The following PSMD1 variants were observed in gnomAD, a reference collection of about 807,000 sequenced individuals.
PSMD1 encodes proteasome 26S subunit, non-ATPase 1, also known as 26S proteasome non-ATPase regulatory subunit 1.
A neutral mutation model predicts 119.0 loss-of-function variants in PSMD1; 18 were observed. The ratio of observed to expected loss-of-function variants is 0.15; its 90% CI spans 0.10 to 0.22. The LOEUF is 0.22. Among genes scored for constraint, PSMD1 ranks in the 10% least tolerant of loss-of-function variants. The probability of loss-of-function intolerance (pLI) is 1.00; values close to 1 mark genes in which losing one functional copy is unlikely to be tolerated. For missense variants in PSMD1, 702 were observed against 1,158.5 expected (o/e 0.61, Z 5.72); for synonymous variants, 374 against 396.6 (o/e 0.94, Z 0.68).
intron 14 of PSMD1, 41 bp from the exon 15 acceptor site, chr2:231,084,978 T>C (rs771531481): frequency 1.2e-4 from 176 of 1,522,868 alleles, no homozygotes; most frequent in Non-Finnish European, 1.5e-4. Context: ...AGTTAACTGT[T>C]TGAAATAAGT....
intron 18 of PSMD1, among the ~76,000 whole-genome samples, chr2:231,150,188 A>C (rs1056380372): frequency 1.3e-5 from 2 of 151,592 alleles, no homozygotes; most frequent in Non-Finnish European, 2.9e-5. Flanking sequence ...TACTAAAAAT[A>C]CAAAAAAAAT....
At chr2:231,119,448 A>G (rs1485312622) in intron 16 of PSMD1, among the ~76,000 whole-genome samples, 1 of 152,220 alleles carries the variant, frequency 6.6e-6, no homozygotes, top group Admixed American at 6.5e-5. Flanking sequence ...GCCTGATCCA[A>G]CACGGGAGAA....
In PSMD1 at chr2:231,165,209, G is replaced by A; in HGVS notation, c.2491G>A (p.Ala831Thr). The change falls in exon 22 of 25, where the codon GCT becomes ACT. Residue 831 changes from alanine (A) to threonine (T), a missense_variant. Ala to Thr is a moderately conservative substitution (Grantham distance 58). Transcript: ENST00000308696. ...KEKEKEKVST[A>T]VLSITAKAKK... ...CTGCTCATTTCCCCAGGTTTCTACTGCTGTATTATCTATAACTGCCAAGGC... is the reference window on the plus strand; with the variant it reads ...CTGCTCATTTCCCCAGGTTTCTACTACTGTATTATCTATAACTGCCAAGGC... 2 of 1,605,294 alleles carry A rather than the reference G, an allele frequency of 1.2e-6. No homozygotes were observed. The highest frequency in any genetic ancestry group is 8.5e-7 in the Non-Finnish European group (1 of 1,174,982).
intron 23 of PSMD1, 39 bp downstream of exon 23, chr2:231,166,056 G>T: frequency 6.5e-7 from 1 of 1,537,404 alleles, no homozygotes; most frequent in Non-Finnish European, 8.8e-7. Flanking sequence ...ATACCAGTGG[G>T]ATATTAATCC....
intron 19 of PSMD1, among the ~76,000 whole-genome samples, chr2:231,156,859 T>C (rs908685070): frequency 2.0e-5 from 3 of 152,198 alleles, no homozygotes; most frequent in Admixed American, 6.5e-5. Context: ...AATTTTCAAA[T>C]ATACAGTACA....
chr2:231,086,018 A>G (rs893259935), intron 15 of PSMD1, among the ~76,000 whole-genome samples: 1 of 151,610 alleles, frequency 6.6e-6, no homozygotes, highest in Non-Finnish European at 1.5e-5. Context: ...GCCATAATGC[A>G]GCTGAAATAG....
intron 11 of PSMD1, 75 bp downstream of exon 11, chr2:231,079,689 T>C: frequency 1.1e-6 from 1 of 943,174 alleles, no homozygotes; most frequent in Non-Finnish European, 1.6e-6. Context: ...AAATAACAGT[T>C]TATTATAATT....
At position 231,062,530 on chromosome 2, in the gene PSMD1, T is replaced by C. The variant is rs776050922; in HGVS notation, c.159T>C (p.Gly53=). 6.2e-7 allele frequency: 1 copy of C among 1,602,246 alleles called. No individual in the cohort carries two copies. Among genetic ancestry groups the C allele is most frequent in the Non-Finnish European group, 8.5e-7 (1 of 1,176,184 alleles). Residue 53 remains glycine, a synonymous_variant, in exon 4 of 25, where the codon GGT becomes GGC. Coordinates refer to ENST00000308696, the MANE Select transcript of PSMD1 (RefSeq NM_002807.4). ...DKIEVLYEDE[G]FRSRQFAALV... ...GAGAGGTTTTATACGAAGATGAAGG[T>C]TTCCGGAGTCGGCAGTTTGCAGCCT...
At chr2:231,061,342 G>A (rs753784938) in intron 2 of PSMD1, 32 bp downstream of exon 2, 1 of 1,501,684 alleles carries the variant, frequency 6.7e-7, no homozygotes, top group Non-Finnish European at 9.2e-7. Flanking sequence ...ACTAGGCTTA[G>A]TGTGAATACT....
chr2:231,135,948 TAC>T (rs1447029382), intron 16 of PSMD1, among the ~76,000 whole-genome samples: 1 of 152,182 alleles, frequency 6.6e-6, no homozygotes, highest in African/African-American at 2.4e-5. Flanking sequence ...TTTTAACAGT[TAC>T]AGTTTTCATA....
At chr2:231,134,138 T>C (rs1012244140) in intron 16 of PSMD1, among the ~76,000 whole-genome samples, 2 of 152,240 alleles carry the variant, frequency 1.3e-5, no homozygotes, top group Admixed American at 6.5e-5. Flanking sequence ...CTGCCTATTA[T>C]ATTATACCTT....
Position 231,083,786 on chromosome 2 carries a change from C to G in PSMD1, c.1722+23C>G, listed in dbSNP as rs370557001. ...AAGGTGAGATCACATACGTCCCTCA[C>G]TGTCCATTTATCTCCAGCATGTAAA... is the stretch of plus-strand genomic sequence containing the variant. On this transcript the variant is annotated intron_variant, in intron 14 of 24. Transcript: ENST00000308696. The G allele has an allele frequency of 5.0e-5, 81 of 1,610,366 alleles. No individual in the cohort carries two copies. In the Middle Eastern group the frequency reaches 2.0e-3, roughly 39 times the overall value.
rs570995973 is a variant in PSMD1, at chr2:231,056,889, C to T, written c.-137C>T. 24 of 1,209,374 alleles carry T rather than the reference C, an allele frequency of 2.0e-5. No individual in the cohort carries two copies. In the East Asian group the frequency reaches 2.7e-4, roughly 14 times the overall value. 74.9% of individuals were successfully genotyped at this position (1,209,374 alleles called of 1,614,324 possible). ...GGGGTCCTGGCGAGAAGCGAGCCGG[C>T]GGCCTGAGGAGGCGACTGACTGAGC... On this transcript the variant is annotated 5_prime_UTR_variant, in exon 1 of 25. Coordinates refer to ENST00000308696, the MANE Select transcript of PSMD1 (RefSeq NM_002807.4).
At chr2:231,141,181 G>C (rs959985973) in intron 17 of PSMD1, among the ~76,000 whole-genome samples, 1 of 151,884 alleles carries the variant, frequency 6.6e-6, no homozygotes, top group Non-Finnish European at 1.5e-5. Flanking sequence ...GCAGGTGCCT[G>C]TAATCCCAGA....
intron 12 of PSMD1, among the ~76,000 whole-genome samples, chr2:231,082,491 G>A (rs1170009493): frequency 6.6e-6 from 1 of 152,184 alleles, no homozygotes; most frequent in Non-Finnish European, 1.5e-5. Flanking sequence ...ATCACCTGAG[G>A]TCAGGAAGTT....
At chr2:231,058,925 C>A (rs1693685762) in intron 1 of PSMD1, among the ~76,000 whole-genome samples, 1 of 151,932 alleles carries the variant, frequency 6.6e-6, no homozygotes, top group African/African-American at 2.4e-5. Flanking sequence ...TCTGTAATTG[C>A]CTTGTTTGTT....
intron 24 of PSMD1, among the ~76,000 whole-genome samples, chr2:231,171,681 C>T (rs1374717629): frequency 3.3e-5 from 5 of 150,722 alleles, no homozygotes; most frequent in East Asian, 4.0e-4. Context: ...CTCAGCCTTT[C>T]GAGTAGCTGG....
intron 20 of PSMD1, 120 bp downstream of exon 20, chr2:231,161,629 C>T: frequency 9.0e-7 from 1 of 1,116,830 alleles, no homozygotes. Context: ...CTTATAATAA[C>T]ATTTTCCCTT....
chr2:231,085,146 T>C (rs1253723039), intron 15 of PSMD1, 32 bp downstream of exon 15: 1 of 1,575,334 alleles, frequency 6.3e-7, no homozygotes, highest in Non-Finnish European at 8.7e-7. Flanking sequence ...GGGAATGGGG[T>C]GGACGGAAAA....
Sources: allele counts gnomAD v4.1 joint callset (sites outside exome capture counted in the v4.1 genomes callset), GRCh38; gene constraint gnomAD v4.1.1; transcripts MANE v1.5; gene names NCBI Gene and HGNC (gene_info 2026-07-23, HGNC 2026-07-21).